MACROD1: variants seen among roughly 807,000 people sequenced by gnomAD.
MACROD1 encodes the protein ADP-ribose glycohydrolase MACROD1.
MACROD1 carries 31 observed loss-of-function variants against 41.4 expected under a neutral mutation model. The observed-to-expected ratio is 0.75, with a 90% CI of 0.56 to 1.01. The LOEUF (loss-of-function observed/expected upper bound fraction) is 1.01. Among genes scored for constraint, MACROD1 ranks in the 50% least tolerant of loss-of-function variants. The pLI is 0.00. For missense variants in MACROD1, 473 were observed against 460.0 expected (o/e 1.03, Z -0.26); for synonymous variants, 252 against 203.4 (o/e 1.24, Z -2.03).
chr11:64,121,234 C>G (rs1945092658), intron 3 of MACROD1, among the ~76,000 whole-genome samples: 1 of 152,164 alleles, frequency 6.6e-6, no homozygotes, highest in South Asian at 2.1e-4. Context: ...CAGAGGAGCT[C>G]CTTGGGCCCC....
At chr11:64,123,390 C>T (rs1039210481) in intron 3 of MACROD1, among the ~76,000 whole-genome samples, 1 of 152,266 alleles carries the variant, frequency 6.6e-6, no homozygotes, top group East Asian at 1.9e-4. Flanking sequence ...CAAATCGTTA[C>T]CGTTTACAAC....
In MACROD1 at chr11:64,090,471, G is replaced by C. The variant is rs548314702; in HGVS notation, c.517+60768C>G. 2.7e-4 allele frequency among the ~76,000 whole-genome samples: 41 copies of C among 152,326 alleles called. No individual in the cohort carries two copies. In the Middle Eastern group the frequency reaches 0.024, roughly 88 times the overall value. On this transcript the variant is annotated intron_variant, in intron 3 of 10. Transcript: ENST00000255681. This position sits in a 1 kb window ranked among gnomAD's most constrained non-coding sequence, Gnocchi z 4.7. ...TAATAATTTACGAGGCAGCCCCTGA[G>C]GTGGAGGAGGAGGAGGAGGCCAAAT... is the stretch of plus-strand genomic sequence containing the variant.
At chr11:64,014,257 G>A (rs1190273784) in intron 4 of MACROD1, among the ~76,000 whole-genome samples, 2 of 152,088 alleles carry the variant, frequency 1.3e-5, no homozygotes, top group African/African-American at 2.4e-5. Context: ...CACAGTCCCC[G>A]GCAAAGCCCC....
chr11:64,141,397 G>A (rs929141612), intron 3 of MACROD1, among the ~76,000 whole-genome samples: 1 of 152,152 alleles, frequency 6.6e-6, no homozygotes, highest in Admixed American at 6.5e-5. Context: ...GCCGGGGAGC[G>A]GGGGCACTGT....
intron 3 of MACROD1, among the ~76,000 whole-genome samples, chr11:64,083,714 G>A (rs376539794): frequency 2.6e-5 from 4 of 152,368 alleles, no homozygotes; most frequent in African/African-American, 9.6e-5. Flanking sequence ...TCGCCAGACT[G>A]GCTCCAGGTC....
intron 3 of MACROD1, chr11:64,118,803 G>A (rs528466299): frequency 6.0e-6 from 1 of 167,754 alleles, no homozygotes; most frequent in Non-Finnish European, 1.5e-5. Flanking sequence ...GGGAAGAAAA[G>A]ATCTTTTGCC....
chr11:64,154,784 G>A (rs1195921752), intron 1 of MACROD1, among the ~76,000 whole-genome samples: 5 of 152,074 alleles, frequency 3.3e-5, no homozygotes, highest in Non-Finnish European at 5.9e-5. Flanking sequence ...GCAGTGGCAC[G>A]ATCTTGGCTC....
intron 3 of MACROD1, among the ~76,000 whole-genome samples, chr11:64,112,231 A>T (rs1173140161): frequency 6.6e-6 from 1 of 152,128 alleles, no homozygotes; most frequent in African/African-American, 2.4e-5. Flanking sequence ...AAAAACAAAA[A>T]AGGGCCAGGC....
intron 1 of MACROD1, among the ~76,000 whole-genome samples, chr11:64,153,061 G>A (rs1284221144): frequency 6.6e-6 from 1 of 152,116 alleles, no homozygotes; most frequent in Non-Finnish European, 1.5e-5. Flanking sequence ...ACTTGAGTGA[G>A]GAGCCAGGCA....
chr11:64,165,714 T>G lies in MACROD1; in HGVS notation c.281A>C (p.Asp94Ala). Residue 94 changes from aspartate to alanine, a missense_variant, in exon 1 of 11, where the codon GAC becomes GCC. Transcript: ENST00000255681. Reference sequence around the variant, plus strand: ...ACACTTACATTTCGCCTCCTTCCAGTCGGTGGAGGTGCTCAGGTCCACCTT... The same window carrying G: ...ACACTTACATTTCGCCTCCTTCCAGGCGGTGGAGGTGCTCAGGTCCACCTT... ...AAKVDLSTSTDWKEAKSFLKG... is the reference protein window; with the variant it reads ...AAKVDLSTSTAWKEAKSFLKG... The G allele has an allele frequency of 1.4e-6, 2 of 1,466,342 alleles. No individual in the cohort carries two copies. The highest frequency in any genetic ancestry group is 1.8e-6 in the Non-Finnish European group (2 of 1,107,040). The allele number at this position is 1,466,342 out of a possible 1,614,324, so 90.8% of individuals were successfully genotyped here.
At chr11:64,130,352 C>T (rs528655097) in intron 3 of MACROD1, among the ~76,000 whole-genome samples, 1 of 152,172 alleles carries the variant, frequency 6.6e-6, no homozygotes. Context: ...GTGGGTGATA[C>T]CTACCCCTCC....
rs572594708 is a variant in MACROD1 at position 64,028,900 on chromosome 11, C to T, written c.518-13619G>A. Among the ~76,000 whole-genome samples, 6 of 152,286 alleles carry T rather than the reference C, an allele frequency of 3.9e-5. No homozygotes were observed. The South Asian group carries it at 1.0e-3, about 26-fold the overall frequency. ...TTAGGACACTCTTTCTCCTTACTTC[C>T]CTGCCCCTGGAGCACCTAGGCCAGC... On this transcript the variant is annotated intron_variant, in intron 3 of 10. Transcript: ENST00000255681.
chr11:64,122,299 C>A lies in MACROD1; in HGVS notation c.517+28940G>T, dbSNP rs1945111699. 6.6e-6 allele frequency among the ~76,000 whole-genome samples: 1 copy of A among 152,244 alleles called. No individual in the cohort carries two copies. Among genetic ancestry groups the A allele is most frequent in the African/African-American group, 2.4e-5 (1 of 41,470 alleles). ...TGGTGCATGCGGCGGCCAGGGGCCT[C>A]CCTGACACAGGGCCAGGATGCAGGT... is the stretch of plus-strand genomic sequence containing the variant. On this transcript the variant is annotated intron_variant, in intron 3 of 10. Coordinates refer to ENST00000255681, the MANE Select transcript of MACROD1 (RefSeq NM_014067.4). This position sits in a 1 kb window ranked among gnomAD's most constrained non-coding sequence, Gnocchi z 4.0.
intron 3 of MACROD1, among the ~76,000 whole-genome samples, chr11:64,132,361 G>T (rs192924353): frequency 6.7e-6 from 1 of 148,236 alleles, no homozygotes; most frequent in African/African-American, 2.5e-5. Flanking sequence ...TGTCCAGGCT[G>T]AGCCAAGAGC....
chr11:64,139,121 A>C (rs1192013564), intron 3 of MACROD1, among the ~76,000 whole-genome samples: 1 of 152,140 alleles, frequency 6.6e-6, no homozygotes, highest in East Asian at 1.9e-4. Context: ...CAGTGGAGGA[A>C]GCCGCCAGTG....
chr11:64,025,735 T>TC (rs1468139981), intron 3 of MACROD1, among the ~76,000 whole-genome samples: 2 of 151,076 alleles, frequency 1.3e-5, no homozygotes, highest in African/African-American at 2.4e-5. Context: ...TTTTTTTTTT[T>TC]CAGACGGTCT....
chr11:64,116,783 C>G, intron 3 of MACROD1: 1 of 1,613,630 alleles, frequency 6.2e-7, no homozygotes, highest in Non-Finnish European at 8.5e-7. Context: ...AGGAGGACGC[C>G]TTCGCCGACA....
At chr11:64,092,290 T>G (rs374755203) in intron 3 of MACROD1, among the ~76,000 whole-genome samples, 1 of 152,136 alleles carries the variant, frequency 6.6e-6, no homozygotes, top group Non-Finnish European at 1.5e-5. Flanking sequence ...TGGGGAGAAT[T>G]AGTATTCCAG....
intron 1 of MACROD1, among the ~76,000 whole-genome samples, chr11:64,161,479 A>G (rs908853175): frequency 2.0e-5 from 3 of 152,228 alleles, no homozygotes; most frequent in African/African-American, 7.2e-5. Context: ...GAAGATCTCT[A>G]CACTTGCAGC....
Sources: allele counts gnomAD v4.1 joint callset (sites outside exome capture counted in the v4.1 genomes callset), GRCh38; gene constraint gnomAD v4.1.1; non-coding constraint Gnocchi (gnomAD v3.1); transcripts MANE v1.5; gene names NCBI Gene and HGNC (gene_info 2026-07-23, HGNC 2026-07-21).